MAGI1: variants seen among roughly 807,000 people sequenced by gnomAD.
The protein encoded by MAGI1 is membrane associated guanylate kinase, WW and PDZ domain containing 1.
Under a neutral mutation model 139.9 loss-of-function variants are expected in MAGI1, and 58 were observed. The ratio of observed to expected loss-of-function variants is 0.41; its 90% CI spans 0.34 to 0.52. MAGI1 has a LOEUF of 0.52. MAGI1 is among the 20% of genes least tolerant of loss of function. The probability of loss-of-function intolerance (pLI) is 0.12; values close to 1 mark genes in which losing one functional copy is unlikely to be tolerated. For synonymous variants in MAGI1, 812 were observed against 737.9 expected, an observed-to-expected ratio of 1.10 and a Z score of -1.63; for missense variants, 1,874 against 1,901.6, an observed-to-expected ratio of 0.99 and a Z score of 0.27.
intron 5 of MAGI1, among the ~76,000 whole-genome samples, chr3:65,454,398 A>G (rs62255271): frequency 0.67 from 95,199 of 142,362 alleles, 33,966 homozygotes; most frequent in East Asian, 0.98. Context: ...GGGGGAGGGG[A>G]GAGGGATAGC....
At chr3:65,483,922 G>A (rs1401780032) in intron 3 of MAGI1, among the ~76,000 whole-genome samples, 1 of 152,150 alleles carries the variant, frequency 6.6e-6, no homozygotes, top group East Asian at 1.9e-4. Context: ...AATATTTAAG[G>A]AGGATTGTAA....
chr3:65,645,415 A>T (rs534407190), intron 1 of MAGI1, among the ~76,000 whole-genome samples: 1 of 152,294 alleles, frequency 6.6e-6, no homozygotes, highest in Admixed American at 6.5e-5. Context: ...GAAGAAACGA[A>T]CTGTCAGCCC....
At chr3:65,827,588 G>T (rs2042295854) in intron 1 of MAGI1, among the ~76,000 whole-genome samples, 1 of 152,112 alleles carries the variant, frequency 6.6e-6, no homozygotes, top group Non-Finnish European at 1.5e-5. Flanking sequence ...GCAGTCCAGG[G>T]TCTAAACTTT....
chr3:65,366,674 C>T (rs552060450), intron 18 of MAGI1, among the ~76,000 whole-genome samples: 5 of 152,072 alleles, frequency 3.3e-5, no homozygotes, highest in Admixed American at 2.0e-4. Flanking sequence ...TCAGTTTTCT[C>T]GTGTGCACAT....
chr3:65,591,964 G>A (rs2081984073), intron 2 of MAGI1, among the ~76,000 whole-genome samples: 1 of 152,138 alleles, frequency 6.6e-6, no homozygotes, highest in Non-Finnish European at 1.5e-5. Flanking sequence ...ACTCTGCTCT[G>A]CTTTTTCCCT....
intron 1 of MAGI1, among the ~76,000 whole-genome samples, chr3:65,700,365 C>T (rs930829736): frequency 3.3e-5 from 5 of 151,934 alleles, no homozygotes; most frequent in Non-Finnish European, 5.9e-5. Flanking sequence ...CTGCTTGAAC[C>T]GGGACCCAGG....
chr3:65,828,291 A>C (rs2042338352), intron 1 of MAGI1, among the ~76,000 whole-genome samples: 1 of 152,226 alleles, frequency 6.6e-6, no homozygotes, highest in African/African-American at 2.4e-5. Flanking sequence ...TCAAGCACCA[A>C]CATCACAGGC....
intron 2 of MAGI1, among the ~76,000 whole-genome samples, chr3:65,567,639 C>A (rs1472693929): frequency 1.3e-5 from 2 of 152,000 alleles, no homozygotes; most frequent in Admixed American, 1.3e-4. Flanking sequence ...GAGTTCAAGA[C>A]CAGCCTGGCC....
chr3:65,865,141 G>C (rs530449028), intron 1 of MAGI1, among the ~76,000 whole-genome samples: 6 of 152,228 alleles, frequency 3.9e-5, no homozygotes, highest in Admixed American at 2.6e-4. Context: ...TATAACATAC[G>C]ATAATGTTTA....
chr3:65,549,173 C>A (rs1230143800), intron 2 of MAGI1, among the ~76,000 whole-genome samples: 1 of 152,114 alleles, frequency 6.6e-6, no homozygotes, highest in Non-Finnish European at 1.5e-5. Context: ...AGGGACGCGA[C>A]CGCCAGCCTG....
intron 2 of MAGI1, among the ~76,000 whole-genome samples, chr3:65,498,672 C>G (rs1047454413): frequency 6.6e-6 from 1 of 152,180 alleles, no homozygotes; most frequent in East Asian, 1.9e-4. Flanking sequence ...CATGGTCTGT[C>G]TGAACACAGG....
intron 12 of MAGI1, among the ~76,000 whole-genome samples, chr3:65,415,560 C>T (rs1946149967): frequency 6.6e-6 from 1 of 152,202 alleles, no homozygotes; most frequent in African/African-American, 2.4e-5. Flanking sequence ...ACTACACTGC[C>T]ACTCCGTTAC....
chr3:65,463,376 T>C (rs1357081695), intron 5 of MAGI1, among the ~76,000 whole-genome samples: 14 of 152,206 alleles, frequency 9.2e-5, no homozygotes, highest in Non-Finnish European at 2.9e-5. Context: ...GTTTTTGTCA[T>C]TGGTTCTGTT....
chr3:65,632,909 C>T (rs1004342576), intron 1 of MAGI1, among the ~76,000 whole-genome samples: 1 of 152,048 alleles, frequency 6.6e-6, no homozygotes, highest in African/African-American at 2.4e-5. Context: ...TTCCTTGTCT[C>T]CCAGGTTAGT....
At chr3:65,890,598 A>C (rs1012100812) in intron 1 of MAGI1, among the ~76,000 whole-genome samples, 7 of 152,244 alleles carry the variant, frequency 4.6e-5, no homozygotes, top group Non-Finnish European at 1.0e-4. Flanking sequence ...CTTTAACACC[A>C]CATCCAACGC....
rs73832907 is a variant in MAGI1 at position 65,687,422 on chromosome 3, C to T, written c.314-65334G>A. ...TGATTTCTATTTGTGTGAAATGGCC[C>T]TCCCCTGGGTCAAGCCAACACCTGA... is the stretch of plus-strand genomic sequence containing the variant. On this transcript the variant is annotated intron_variant, in intron 1 of 22. Transcript: ENST00000402939. 2,660 of 361,006 alleles carry T rather than the reference C, an allele frequency of 7.4e-3. 62 individuals carry two copies. The highest frequency in any genetic ancestry group is 0.052 in the African/African-American group (2,422 of 46,626). 22.4% of individuals were successfully genotyped at this position (361,006 alleles called of 1,614,324 possible).
At chr3:65,470,626 C>A (rs1007488073) in intron 4 of MAGI1, 142 bp from the exon 5 acceptor site, 42 of 538,700 alleles carry the variant, frequency 7.8e-5, no homozygotes, top group Non-Finnish European at 1.3e-4. Context: ...TAATTCCTGG[C>A]CATTAACTAT....
intron 1 of MAGI1, among the ~76,000 whole-genome samples, chr3:65,664,037 T>C (rs576767201): frequency 1.3e-5 from 2 of 152,298 alleles, no homozygotes; most frequent in Non-Finnish European, 2.9e-5. Flanking sequence ...TTATGAAACA[T>C]ATATCTCAAC....
chr3:65,765,175 TA>T (rs1206784370), intron 1 of MAGI1, among the ~76,000 whole-genome samples: 1 of 152,186 alleles, frequency 6.6e-6, no homozygotes, highest in African/African-American at 2.4e-5. Context: ...CTGTTCCCAT[TA>T]AAAGTATAAC....
Sources: allele counts gnomAD v4.1 joint callset (sites outside exome capture counted in the v4.1 genomes callset), GRCh38; gene constraint gnomAD v4.1.1; transcripts MANE v1.5; gene names NCBI Gene and HGNC (gene_info 2026-07-23, HGNC 2026-07-21).